The following PPFIBP2 variants were observed in gnomAD, a reference collection of about 807,000 sequenced individuals.
The protein encoded by PPFIBP2 is PPFIB scaffold protein 2, also known as liprin-beta-2.
In PPFIBP2, 118 loss-of-function variants were observed where a neutral mutation model predicts 118.3. The ratio of observed to expected loss-of-function variants is 1.00; its 90% CI spans 0.86 to 1.16. The LOEUF (loss-of-function observed/expected upper bound fraction) is 1.16, where lower values mean the gene tolerates loss of function less well. PPFIBP2 is among the 50% of genes most tolerant of loss of function. The pLI, the probability that PPFIBP2 is intolerant of heterozygous loss-of-function variation, is 0.00. For synonymous variants in PPFIBP2, 414 were observed against 397.4 expected (o/e 1.04, Z -0.50); for missense variants, 1,195 against 1,073.1 (o/e 1.11, Z -1.59).
At chr11:7,609,695 A>G (rs1024135125) in intron 5 of PPFIBP2, among the ~76,000 whole-genome samples, 4 of 152,196 alleles carry the variant, frequency 2.6e-5, no homozygotes, top group African/African-American at 9.7e-5. Context: ...CTTCTTATTT[A>G]CATTCCAGAG....
In PPFIBP2 at chr11:7,576,733, C is replaced by T. The variant is rs573303532; in HGVS notation, c.279+10966C>T. The T allele has an allele frequency of 4.6e-5, 7 of 152,594 alleles. No homozygotes were observed. In the South Asian group the frequency reaches 1.4e-3, roughly 32 times the overall value. The allele number at this position is 152,594 out of a possible 1,614,324, so 9.5% of individuals were successfully genotyped here. ...CTGGCTGGTGGCCAACAGTCCAGGG[C>T]CAGACTCCCCTGAGTTTGCGGCAGT... On this transcript the variant is annotated intron_variant, in intron 3 of 23. Transcript: ENST00000299492.
intron 5 of PPFIBP2, among the ~76,000 whole-genome samples, chr11:7,609,154 C>T (rs1847761234): frequency 6.6e-6 from 1 of 152,178 alleles, no homozygotes; most frequent in Non-Finnish European, 1.5e-5. Context: ...AATTTCTGTC[C>T]CGTGTGGTTT....
At chr11:7,606,093 A>G in intron 5 of PPFIBP2, 5 of 1,445,758 alleles carry the variant, frequency 3.5e-6, no homozygotes, top group South Asian at 1.4e-5. Flanking sequence ...AGAATGTGGT[A>G]TAAGTGAAGA....
chr11:7,564,648 C>G lies in PPFIBP2; in HGVS notation c.65-905C>G, dbSNP rs115513239. ...TTTGAGTAGCACTCTGCAGGTGTGTCTCCTCCCTGTTCCACTTGGTGTCAG... is the reference window on the plus strand; with the variant it reads ...TTTGAGTAGCACTCTGCAGGTGTGTGTCCTCCCTGTTCCACTTGGTGTCAG... On this transcript the variant is annotated intron_variant, in intron 2 of 23. Transcript: ENST00000299492. 3.1e-3 allele frequency among the ~76,000 whole-genome samples: 475 copies of G among 152,298 alleles called. 2 individuals are homozygous for G. The highest frequency in any genetic ancestry group is 8.1e-3 in the African/African-American group (335 of 41,552).
chr11:7,605,412 A>G (rs544162280), intron 5 of PPFIBP2, among the ~76,000 whole-genome samples: 209 of 152,384 alleles, frequency 1.4e-3, no homozygotes, highest in Non-Finnish European at 2.4e-3. Flanking sequence ...GAAAGGAGTC[A>G]GCCAGAGACA....
chr11:7,552,435 G>A (rs1347814241), intron 2 of PPFIBP2, among the ~76,000 whole-genome samples: 3 of 152,194 alleles, frequency 2.0e-5, no homozygotes, highest in Non-Finnish European at 1.5e-5. Context: ...GAGTTTTGTG[G>A]TTTTCATTGT....
intron 11 of PPFIBP2, among the ~76,000 whole-genome samples, chr11:7,631,860 T>C (rs965561172): frequency 6.6e-6 from 1 of 152,166 alleles, no homozygotes; most frequent in Non-Finnish European, 1.5e-5. Flanking sequence ...GTGATGAACA[T>C]TGTATCTGGC....
intron 8 of PPFIBP2, among the ~76,000 whole-genome samples, chr11:7,627,188 A>G (rs1850132991): frequency 6.6e-6 from 1 of 152,106 alleles, no homozygotes; most frequent in Admixed American, 6.5e-5. Flanking sequence ...TCCTTGGGTC[A>G]TTTGCTGCCG....
chr11:7,623,976 C>T (rs1224491438), intron 7 of PPFIBP2, among the ~76,000 whole-genome samples: 1 of 152,210 alleles, frequency 6.6e-6, no homozygotes, highest in Non-Finnish European at 1.5e-5. Context: ...CAGGACCCAG[C>T]TCTTGGCCTC....
Position 7,519,302 on chromosome 11 carries a change from GA to G in PPFIBP2, c.-37+5182del, listed in dbSNP as rs1590088793. Among the ~76,000 whole-genome samples, 3 of 152,290 alleles carry G rather than the reference GA, an allele frequency of 2.0e-5. No homozygotes were observed. The East Asian group carries it at 5.8e-4, about 29-fold the overall frequency. ...GAGGTATGGTCGGGAGGAGAAAGGCGATCAGGGCTGCGAGAATGGAGGAGAA... is the reference window on the plus strand; with the variant it reads ...GAGGTATGGTCGGGAGGAGAAAGGCGTCAGGGCTGCGAGAATGGAGGAGAA... On this transcript the variant is annotated intron_variant, in intron 1 of 23. Coordinates refer to ENST00000299492, the MANE Select transcript of PPFIBP2 (RefSeq NM_003621.5).
Position 7,610,516 on chromosome 11 carries a change from A to G in PPFIBP2, c.618+94A>G, listed in dbSNP as rs138178233. The G allele has an allele frequency of 3.6e-4, 550 of 1,522,804 alleles. 4 individuals are homozygous for G. The East Asian group carries it at 0.012, about 32-fold the overall frequency. 94.3% of individuals were successfully genotyped at this position (1,522,804 alleles called of 1,614,324 possible). ...CTGGTCAACTCCCAGCCTGGAAGCT[A>G]TTGGGTGCCAGAAATATCTATACAC... On this transcript the variant is annotated intron_variant, in intron 6 of 23. Transcript: ENST00000299492.
intron 14 of PPFIBP2, among the ~76,000 whole-genome samples, chr11:7,638,384 A>G (rs1261572771): frequency 6.6e-6 from 1 of 151,794 alleles, no homozygotes; most frequent in African/African-American, 2.4e-5. Context: ...AGTTACTTCT[A>G]CTCCACCAGC....
chr11:7,520,135 A>G (rs1414374407), intron 1 of PPFIBP2, among the ~76,000 whole-genome samples: 1 of 152,200 alleles, frequency 6.6e-6, no homozygotes, highest in African/African-American at 2.4e-5. Context: ...GTATGGCGCA[A>G]CATGCTGTTT....
rs948976413 is a variant in PPFIBP2 at position 7,541,962 on chromosome 11, A to T, written c.-36-7478A>T. Among the ~76,000 whole-genome samples, 3 of 152,194 alleles carry T rather than the reference A, an allele frequency of 2.0e-5. No homozygotes were observed. The East Asian group carries it at 5.8e-4, about 29-fold the overall frequency. On this transcript the variant is annotated intron_variant, in intron 1 of 23. Coordinates refer to ENST00000299492, the MANE Select transcript of PPFIBP2 (RefSeq NM_003621.5). Reference sequence around the variant, plus strand: ...GCTTTGTCCCCAAGGTATATCAGGAATTAGAACATCTAATTCATTACGGTC... The same window carrying T: ...GCTTTGTCCCCAAGGTATATCAGGATTTAGAACATCTAATTCATTACGGTC...
chr11:7,659,946 G>C (rs1854855985), downstream of PPFIBP2, among the ~76,000 whole-genome samples: 1 of 124,734 alleles, frequency 8.0e-6, no homozygotes, highest in Admixed American at 8.4e-5. Context: ...TTGGCTCTCT[G>C]TTTGTCTGTT....
rs754329807 is a variant in PPFIBP2, at chr11:7,597,335, C to A, written c.373-225C>A. The A allele has an allele frequency of 2.4e-5, 37 of 1,535,526 alleles. No individual in the cohort carries two copies. In the Admixed American group the frequency reaches 7.1e-4, roughly 29 times the overall value. On this transcript the variant is annotated intron_variant, in intron 4 of 23. Coordinates refer to ENST00000299492, the MANE Select transcript of PPFIBP2 (RefSeq NM_003621.5). ...AGTCTATCAAGAGCAGTAAACGTGA[C>A]CCATGTCATCAGAGCAGTGGCCGAG...
At chr11:7,532,460 C>T (rs112259996) in intron 1 of PPFIBP2, among the ~76,000 whole-genome samples, 171 of 152,318 alleles carry the variant, frequency 1.1e-3, no homozygotes, top group African/African-American at 3.8e-3. Context: ...GCACTTACTA[C>T]TGATCCTGCC....
At chr11:7,524,129 C>CGTGT (rs138037955) in intron 1 of PPFIBP2, among the ~76,000 whole-genome samples, 10 of 150,960 alleles carry the variant, frequency 6.6e-5, no homozygotes, top group East Asian at 2.0e-4. Flanking sequence ...TGTGTCTGTG[C>CGTGT]GTGTGTGTGT....
intron 2 of PPFIBP2, among the ~76,000 whole-genome samples, chr11:7,559,358 G>T (rs1402822182): frequency 1.3e-5 from 2 of 152,120 alleles, no homozygotes; most frequent in African/African-American, 4.8e-5. Flanking sequence ...CACTGTGGTT[G>T]TAATTTTTTT....
Sources: gnomAD v4.1 joint callset for allele counts (sites outside exome capture counted in the v4.1 genomes callset) on GRCh38, gnomAD v4.1.1 for gene constraint, MANE v1.5 for transcripts, NCBI Gene and HGNC (gene_info 2026-07-23, HGNC 2026-07-21) for gene names.